Variants in GPD2 observed in about 807,000 individuals in gnomAD.
GPD2 encodes the protein glycerol-3-phosphate dehydrogenase, mitochondrial.
Under a neutral mutation model 82.4 loss-of-function variants are expected in GPD2, and 54 were observed. The observed-to-expected ratio is 0.66, with a 90% confidence interval of 0.53 to 0.82. GPD2 has a LOEUF of 0.82. Ranked by LOEUF, GPD2 falls within the 40% of genes least tolerant of loss-of-function variation. The pLI, the probability that GPD2 is intolerant of heterozygous loss-of-function variation, is 0.00. For missense variants in GPD2, 748 were observed against 896.2 expected, an observed-to-expected ratio of 0.83 and a Z score of 2.11; for synonymous variants, 288 against 306.1, an observed-to-expected ratio of 0.94 and a Z score of 0.62.
chr2:156,436,189 C>G (rs572815930), upstream of GPD2, among the ~76,000 whole-genome samples: 39 of 152,376 alleles, frequency 2.6e-4, 1 homozygote, highest in South Asian at 8.1e-3. Flanking sequence ...TTCCCGCCCC[C>G]ACTTCCGCGT....
chr2:156,509,964 G>A (rs1384864277), intron 3 of GPD2, among the ~76,000 whole-genome samples: 1 of 151,688 alleles, frequency 6.6e-6, no homozygotes, highest in Non-Finnish European at 1.5e-5. Context: ...TGTATTTTTA[G>A]TAGAGACAGA....
At chr2:156,508,584 C>T (rs1359799982) in intron 3 of GPD2, among the ~76,000 whole-genome samples, 2 of 152,190 alleles carry the variant, frequency 1.3e-5, no homozygotes, top group East Asian at 3.9e-4. Context: ...TGTCCTCTCT[C>T]AACCTTGTTT....
intron 6 of GPD2, among the ~76,000 whole-genome samples, chr2:156,530,925 C>A (rs1384140110): frequency 1.3e-5 from 2 of 152,140 alleles, no homozygotes; most frequent in Non-Finnish European, 2.9e-5. Flanking sequence ...CTCCTGGGCT[C>A]AAGTGATTCT....
At position 156,570,069 on chromosome 2, in the gene GPD2, G is replaced by T; in HGVS notation, c.1477-18G>T. 2 of 1,609,486 alleles carry T rather than the reference G, an allele frequency of 1.2e-6. No homozygotes were observed. The highest frequency in any genetic ancestry group is 2.7e-5 in the African/African-American group (2 of 74,860). On this transcript the variant is annotated intron_variant, in intron 11 of 16. Coordinates refer to ENST00000438166, the MANE Select transcript of GPD2 (RefSeq NM_000408.5). ...TTGATATTCAAAGTGCCTGCCTAAC[G>T]CAGCTTTATTTCTCTAGGTGGCACA...
intron 9 of GPD2, among the ~76,000 whole-genome samples, chr2:156,567,038 C>A (rs1431740859): frequency 2.0e-5 from 3 of 151,740 alleles, no homozygotes; most frequent in Non-Finnish European, 2.9e-5. Flanking sequence ...TTATTGAAGT[C>A]TTTCATTTTT....
chr2:156,492,095 G>C (rs1684197566), intron 2 of GPD2, among the ~76,000 whole-genome samples: 1 of 147,384 alleles, frequency 6.8e-6, no homozygotes. Context: ...AGCAGTGTAA[G>C]AGAGTTTCAA....
rs1413300564 is a variant in GPD2 at position 156,528,659 on chromosome 2, A to G, written c.661+15163A>G. ...TGTGTCCATGTGTTCTCATTGTTCA[A>G]TTCCCACCTATGAGTGAGAATATGT... On this transcript the variant is annotated intron_variant, in intron 6 of 16. Transcript: ENST00000438166. Among the ~76,000 whole-genome samples, 15 of 138,040 alleles carry G rather than the reference A, an allele frequency of 1.1e-4. 1 individual carries two copies. Among genetic ancestry groups the G allele is most frequent in the African/African-American group, 1.4e-4 (5 of 36,336 alleles). The allele number at this position is 138,040 out of a possible 152,430, so 90.6% of individuals were successfully genotyped here. A position where few individuals can be genotyped will look rare whatever the true frequency, so the allele number is the denominator to read the frequency against.
intron 1 of GPD2, among the ~76,000 whole-genome samples, chr2:156,469,411 C>A (rs1187805603): frequency 6.6e-6 from 1 of 152,190 alleles, no homozygotes; most frequent in Non-Finnish European, 1.5e-5. Flanking sequence ...GTGATCTGCC[C>A]ACCTTGGCAT....
At chr2:156,578,372 C>CTTT (rs796774498) in intron 13 of GPD2, among the ~76,000 whole-genome samples, 2 of 146,116 alleles carry the variant, frequency 1.4e-5, no homozygotes, top group African/African-American at 5.0e-5. Context: ...CCTTTAATTA[C>CTTT]TTTTTTTTTT....
intron 6 of GPD2, among the ~76,000 whole-genome samples, chr2:156,525,381 A>G (rs1685569129): frequency 6.6e-6 from 1 of 152,144 alleles, no homozygotes; most frequent in African/African-American, 2.4e-5. Context: ...TTCCTTCCCT[A>G]GTTTTGGAAG....
intron 2 of GPD2, among the ~76,000 whole-genome samples, chr2:156,495,296 G>A (rs1445535166): frequency 2.0e-5 from 3 of 152,174 alleles, no homozygotes; most frequent in Non-Finnish European, 4.4e-5. Context: ...GTTGCAGTAA[G>A]CTGTGATAGT....
chr2:156,560,588 G>T (rs994543396), intron 9 of GPD2, among the ~76,000 whole-genome samples: 2 of 152,142 alleles, frequency 1.3e-5, no homozygotes, highest in African/African-American at 4.8e-5. Context: ...TCAAAAAATA[G>T]TTAACAGTGA....
intron 6 of GPD2, among the ~76,000 whole-genome samples, chr2:156,527,818 A>G (rs938250718): frequency 3.3e-5 from 5 of 152,268 alleles, no homozygotes; most frequent in South Asian, 4.1e-4. Flanking sequence ...CATATTTCCC[A>G]GGAATTTTAA....
At chr2:156,414,446 A>G in the GPD2 span, among the ~76,000 whole-genome samples, 1 of 152,218 alleles carries the variant, frequency 6.6e-6, no homozygotes, top group Non-Finnish European at 1.5e-5. Flanking sequence ...TAAAATTTAA[A>G]GATTAGGTCG....
intron 9 of GPD2, among the ~76,000 whole-genome samples, chr2:156,560,731 C>T (rs1687135716): frequency 6.6e-6 from 1 of 152,090 alleles, no homozygotes; most frequent in Non-Finnish European, 1.5e-5. Context: ...CCAGTCAAAT[C>T]CATATTTTTT....
intron 6 of GPD2, among the ~76,000 whole-genome samples, chr2:156,541,820 G>GTTTTTTT (rs1397587048): frequency 2.4e-4 from 8 of 33,700 alleles, no homozygotes; most frequent in East Asian, 7.4e-4. Flanking sequence ...ATAAAATGCT[G>GTTTTTTT]TTTGTTTTTT....
rs148805235 is a variant in GPD2, at chr2:156,440,028, G to A, written c.-9+3515G>A. 6.0e-4 allele frequency among the ~76,000 whole-genome samples: 92 copies of A among 152,256 alleles called. 1 individual carries two copies. The highest frequency in any genetic ancestry group is 6.9e-4 in the Non-Finnish European group (47 of 68,026). On this transcript the variant is annotated intron_variant, in intron 1 of 16. Coordinates refer to ENST00000438166, the MANE Select transcript of GPD2 (RefSeq NM_000408.5). The stretch of plus-strand genomic sequence containing the variant: ...TCAAAATTGTTACTTGGGAGATAGA[G>A]AAGAACTGAATGGAACTAAACTAAG...
intron 1 of GPD2, among the ~76,000 whole-genome samples, chr2:156,436,874 G>A (rs1424884112): frequency 2.6e-5 from 4 of 152,138 alleles, no homozygotes; most frequent in African/African-American, 7.2e-5. Context: ...GGAGGGCTGA[G>A]GCTTCTTTGA....
At chr2:156,522,147 T>C (rs1685432568) in intron 6 of GPD2, among the ~76,000 whole-genome samples, 2 of 152,232 alleles carry the variant, frequency 1.3e-5, no homozygotes, top group Admixed American at 1.3e-4. Context: ...GCATATGTTT[T>C]AGCTTCCTGA....
Sources: allele counts gnomAD v4.1 joint callset (sites outside exome capture counted in the v4.1 genomes callset), GRCh38; gene constraint gnomAD v4.1.1; transcripts MANE v1.5; gene names NCBI Gene and HGNC (gene_info 2026-07-23, HGNC 2026-07-21).